The following TENT4A variants were observed in gnomAD, a reference collection of about 807,000 sequenced individuals.
TENT4A encodes DNA polymerase kappa.
TENT4A carries 7 observed loss-of-function variants against 72.8 expected under a neutral mutation model. The ratio of observed to expected loss-of-function variants is 0.10; its 90% CI spans 0.05 to 0.18. The LOEUF (loss-of-function observed/expected upper bound fraction) is 0.18, where lower values mean the gene tolerates loss of function less well. Ranked by LOEUF, TENT4A falls within the 10% of genes least tolerant of loss-of-function variation. The probability of loss-of-function intolerance (pLI) is 1.00; values close to 1 mark genes in which losing one functional copy is unlikely to be tolerated. For synonymous variants in TENT4A, 456 were observed against 434.3 expected (o/e 1.05, Z -0.62); for missense variants, 831 against 1,017.7 (o/e 0.82, Z 2.50).
At chr5:6,716,121 A>G (rs1331845460) in intron 1 of TENT4A, among the ~76,000 whole-genome samples, 1 of 152,202 alleles carries the variant, frequency 6.6e-6, no homozygotes, top group Non-Finnish European at 1.5e-5. Flanking sequence ...AGAAAGTGGT[A>G]GCGCATCAGG....
chr5:6,750,288 G>C (rs747659876), intron 9 of TENT4A, 43 bp from the exon 10 acceptor site: 2 of 1,538,676 alleles, frequency 1.3e-6, no homozygotes, highest in African/African-American at 2.8e-5. Context: ...GCTCCACGCC[G>C]CAGTTCTCAG....
chr5:6,714,866 T>A, intron 1 of TENT4A, 167 bp downstream of exon 1: 1 of 304,044 alleles, frequency 3.3e-6, no homozygotes. Flanking sequence ...AACATCAGAC[T>A]CATTTATCGT....
At chr5:6,753,085 T>C in intron 12 of TENT4A, 48 bp downstream of exon 12, 1 of 1,507,030 alleles carries the variant, frequency 6.6e-7, no homozygotes, top group Non-Finnish European at 9.1e-7. Context: ...AGCTGCCATG[T>C]GAGAGGCGGT....
Position 6,754,842 on chromosome 5 carries a change from C to G in TENT4A, c.2276C>G (p.Pro759Arg). The G allele has an allele frequency of 6.2e-7, 1 of 1,610,262 alleles. No homozygotes were observed. Among genetic ancestry groups the G allele is most frequent in the East Asian group, 2.2e-5 (1 of 44,724 alleles). The change falls in exon 13 of 13, where the codon CCC (proline) becomes CGC (arginine). Residue 759 changes from proline to arginine, a missense_variant. Coordinates refer to ENST00000230859, the MANE Select transcript of TENT4A (RefSeq NM_006999.6). Reference protein sequence around the residue: ...YSSVGSGGVRPPVGNRGHHQY... With the variant: ...YSSVGSGGVRRPVGNRGHHQY... The stretch of plus-strand genomic sequence containing the variant: ...TCTGTGGGTAGCGGAGGTGTGCGGC[C>G]CCCTGTGGGCAACAGGGGACACCAC...
rs28381428 is a variant in TENT4A, at chr5:6,752,852, C to T, written c.2020-21C>T. On this transcript the variant is annotated intron_variant, in intron 11 of 12. Coordinates refer to ENST00000230859, the MANE Select transcript of TENT4A (RefSeq NM_006999.6). Reference sequence around the variant, plus strand: ...CTCTGATTGCTTTGGTACCCATGGCCGTCTCTCATTTTGTTCCTAGACCAG... The same window carrying T: ...CTCTGATTGCTTTGGTACCCATGGCTGTCTCTCATTTTGTTCCTAGACCAG... 2.0e-4 allele frequency: 326 copies of T among 1,604,574 alleles called. 1 individual carries two copies. In the South Asian group the frequency reaches 2.9e-3, roughly 14 times the overall value.
At chr5:6,722,178 T>C (rs922451099) in intron 1 of TENT4A, among the ~76,000 whole-genome samples, 1 of 151,560 alleles carries the variant, frequency 6.6e-6, no homozygotes, top group African/African-American at 2.4e-5. Context: ...AGCCTCAGTT[T>C]CCCCCCCTGT....
intron 7 of TENT4A, among the ~76,000 whole-genome samples, chr5:6,746,992 G>T (rs1027918648): frequency 6.6e-6 from 1 of 152,164 alleles, no homozygotes; most frequent in Non-Finnish European, 1.5e-5. Flanking sequence ...TCCCATTGGC[G>T]TATTCAGGGG....
intron 1 of TENT4A, among the ~76,000 whole-genome samples, chr5:6,718,284 G>A (rs934248134): frequency 3.3e-5 from 5 of 152,200 alleles, no homozygotes; most frequent in African/African-American, 7.2e-5. Context: ...TCTTTCTTGC[G>A]AAGGAGTCAC....
intron 1 of TENT4A, among the ~76,000 whole-genome samples, chr5:6,726,247 C>T (rs948660183): frequency 6.6e-5 from 10 of 152,162 alleles, no homozygotes; most frequent in African/African-American, 2.2e-4. Context: ...GTACTTGGGA[C>T]GCGATCTGAC....
chr5:6,747,432 C>A (rs962421484), intron 7 of TENT4A, among the ~76,000 whole-genome samples: 15 of 152,144 alleles, frequency 9.9e-5, no homozygotes, highest in African/African-American at 3.6e-4. Context: ...TTTAAAAAAA[C>A]ACCTCAGATT....
At chr5:6,734,262 C>A (rs1156581412) in intron 1 of TENT4A, among the ~76,000 whole-genome samples, 1 of 152,256 alleles carries the variant, frequency 6.6e-6, no homozygotes, top group African/African-American at 2.4e-5. Context: ...TCTTACTGTG[C>A]ACTTTTTCTC....
chr5:6,750,619 ATG>A, intron 10 of TENT4A, 116 bp downstream of exon 10: 2 of 1,002,614 alleles, frequency 2.0e-6, no homozygotes, highest in Non-Finnish European at 1.4e-6. Flanking sequence ...GTTTCCTTGT[ATG>A]TGTGTGGAGG....
chr5:6,732,388 A>T (rs1022144276), intron 1 of TENT4A, among the ~76,000 whole-genome samples: 1 of 152,222 alleles, frequency 6.6e-6, no homozygotes, highest in Admixed American at 6.5e-5. Flanking sequence ...ATGGAATAAT[A>T]TAGTTTTGTT....
intron 4 of TENT4A, among the ~76,000 whole-genome samples, chr5:6,740,463 G>C (rs1741741701): frequency 6.6e-6 from 1 of 152,138 alleles, no homozygotes; most frequent in Non-Finnish European, 1.5e-5. Flanking sequence ...TGTGCGACCG[G>C]CTAGCATTTC....
In TENT4A at chr5:6,736,997, G is replaced by A. The variant is rs569448048; in HGVS notation, c.717-513G>A. Among the ~76,000 whole-genome samples, 14 of 152,376 alleles carry A rather than the reference G, an allele frequency of 9.2e-5. No homozygotes were observed. In the East Asian group the frequency reaches 1.5e-3, roughly 17 times the overall value. ...CAGGTAGCTTGGGCAGACCTGGGCC[G>A]CGGGGCCCCTGAGGACTCATACGTC... On this transcript the variant is annotated intron_variant, in intron 1 of 12. Coordinates refer to ENST00000230859, the MANE Select transcript of TENT4A (RefSeq NM_006999.6).
chr5:6,750,375 G>A lies in TENT4A; in HGVS notation c.1732G>A (p.Glu578Lys). Reference sequence around the variant, plus strand: ...AGAGCGAATAGCCACATGCAATGGGGAGCAGACGCAGAACCGAGAGCCCGA... The same window carrying A: ...AGAGCGAATAGCCACATGCAATGGGAAGCAGACGCAGAACCGAGAGCCCGA... The part of the protein sequence containing the change: ...IKERIATCNG[E>K]QTQNREPESP... Residue 578 changes from glutamate (E) to lysine (K), a missense_variant, in exon 10 of 13, where the codon GAG (glutamate) becomes AAG (lysine). Physicochemically the swap from Glu to Lys is moderately conservative, Grantham distance 56. Coordinates refer to ENST00000230859, the MANE Select transcript of TENT4A (RefSeq NM_006999.6). 1.2e-6 allele frequency: 2 copies of A among 1,612,972 alleles called. No individual in the cohort carries two copies. The highest frequency in any genetic ancestry group is 2.7e-5 in the African/African-American group (2 of 74,946).
intron 1 of TENT4A, among the ~76,000 whole-genome samples, chr5:6,718,138 A>G (rs1740475223): frequency 1.3e-5 from 2 of 152,202 alleles, no homozygotes; most frequent in South Asian, 2.1e-4. Flanking sequence ...AATATCTTCT[A>G]TTAACTCAAA....
chr5:6,753,559 A>T (rs1267788401), intron 12 of TENT4A, among the ~76,000 whole-genome samples: 3 of 152,208 alleles, frequency 2.0e-5, no homozygotes, highest in African/African-American at 7.2e-5. Flanking sequence ...AGCTGTGTGC[A>T]TGGAGGAAAC....
intron 6 of TENT4A, among the ~76,000 whole-genome samples, chr5:6,744,968 T>TA (rs919607762): frequency 6.6e-6 from 1 of 152,158 alleles, no homozygotes; most frequent in African/African-American, 2.4e-5. Flanking sequence ...AGGGGGTCCT[T>TA]TCAGTGATCC....
Sources: gnomAD v4.1 joint callset for allele counts (sites outside exome capture counted in the v4.1 genomes callset) on GRCh38, gnomAD v4.1.1 for gene constraint, MANE v1.5 for transcripts, NCBI Gene and HGNC (gene_info 2026-07-23, HGNC 2026-07-21) for gene names.